Variants in ULK2 observed in about 807,000 individuals in gnomAD.
ULK2 encodes unc-51 like autophagy activating kinase 2.
ULK2 carries 76 observed loss-of-function variants against 127.5 expected under a neutral mutation model. The observed-to-expected ratio is 0.60, with a 90% CI of 0.50 to 0.72. ULK2 has a LOEUF of 0.72. Among genes scored for constraint, ULK2 ranks in the 30% least tolerant of loss-of-function variants. The pLI is 0.00. For synonymous variants in ULK2, 452 were observed against 461.9 expected (o/e 0.98, Z 0.28); for missense variants, 1,144 against 1,295.9 (o/e 0.88, Z 1.80).
Position 19,777,684 on chromosome 17 carries a change from C to A in ULK2, c.2949G>T (p.Gln983His). ...AGCGATAAACAATATCTTCGGTCTGCTGAAACATCTCATCCAGGGCTGCAG... is the reference window on the plus strand; with the variant it reads ...AGCGATAAACAATATCTTCGGTCTGATGAAACATCTCATCCAGGGCTGCAG... ...VQSAALDEMF[Q>H]QTEDIVYRYH... Residue 983 changes from glutamine (Q) to histidine (H), a missense_variant, in exon 26 of 27, where the codon CAG (glutamine) becomes CAT (histidine). By Grantham distance (24) the Gln-to-His change is conservative. Around this residue, in one of 2 missense-constraint regions of ULK2, gnomAD observed 913 missense variants for 970.5 expected, o/e 0.94. Coordinates refer to ENST00000395544, the MANE Select transcript of ULK2 (RefSeq NM_014683.4). The A allele has an allele frequency of 6.2e-7, 1 of 1,613,916 alleles. No individual in the cohort carries two copies. The highest frequency in any genetic ancestry group is 8.5e-7 in the Non-Finnish European group (1 of 1,179,962).
chr17:19,865,877 A>G, intron 1 of ULK2, 49 bp from the exon 2 acceptor site: 1 of 1,173,882 alleles, frequency 8.5e-7, no homozygotes, highest in Non-Finnish European at 1.2e-6. Context: ...CACATAAATA[A>G]CAGAAAAAAA....
chr17:19,830,439 C>G (rs76610081), intron 10 of ULK2, among the ~76,000 whole-genome samples: 8,225 of 152,086 alleles, frequency 0.054, 649 homozygotes, highest in African/African-American at 0.16. Flanking sequence ...TGGCCTCATG[C>G]AGTCTTCCTT....
chr17:19,804,146 G>A (rs1450542648), intron 15 of ULK2, among the ~76,000 whole-genome samples: 1 of 151,966 alleles, frequency 6.6e-6, no homozygotes, highest in African/African-American at 2.4e-5. Flanking sequence ...ACTTTGAGAG[G>A]CTGAGACGGG....
intron 3 of ULK2, among the ~76,000 whole-genome samples, chr17:19,860,210 T>A (rs2042212906): frequency 6.6e-6 from 1 of 152,170 alleles, no homozygotes; most frequent in Non-Finnish European, 1.5e-5. Flanking sequence ...TAATTTACCA[T>A]TCACACAGTA....
chr17:19,804,981 A>G (rs1164274325), intron 14 of ULK2, 151 bp from the exon 15 acceptor site: 1 of 875,810 alleles, frequency 1.1e-6, no homozygotes, highest in African/African-American at 1.7e-5. Context: ...TAAAAAATAT[A>G]TAAAGCCAAA....
intron 20 of ULK2, among the ~76,000 whole-genome samples, chr17:19,792,095 T>C (rs1035784082): frequency 2.0e-5 from 3 of 151,958 alleles, no homozygotes; most frequent in African/African-American, 7.2e-5. Context: ...AGAGGGAAAT[T>C]TATAGCTAAA....
In ULK2 at chr17:19,801,788, G is replaced by A; in HGVS notation, c.1430C>T (p.Pro477Leu). ...LSTGSSRPYS[P>L]SPLVGTIPEQ... is the part of the protein sequence containing the mutation. Reference sequence around the variant, plus strand: ...TAAACTCTACTTACCCAAAGGGGAAGGTGAGTAAGGCCTAGAAGACCCAGT... The same window carrying A: ...TAAACTCTACTTACCCAAAGGGGAAAGTGAGTAAGGCCTAGAAGACCCAGT... Residue 477 changes from proline (P) to leucine (L), a missense_variant, in exon 16 of 27, where the codon CCT becomes CTT. Pro to Leu is a moderately conservative substitution (Grantham distance 98). Coordinates refer to ENST00000395544, the MANE Select transcript of ULK2 (RefSeq NM_014683.4). The A allele has an allele frequency of 1.2e-6, 2 of 1,613,798 alleles. No homozygotes were observed. Among genetic ancestry groups the A allele is most frequent in the South Asian group, 2.2e-5 (2 of 91,038 alleles).
intron 9 of ULK2, 135 bp from the exon 10 acceptor site, chr17:19,838,718 T>C (rs2041658977): frequency 1.4e-6 from 1 of 701,126 alleles, no homozygotes; most frequent in Non-Finnish European, 2.3e-6. Flanking sequence ...ACGAAGACCA[T>C]GTAAGAGTCA....
intron 16 of ULK2, among the ~76,000 whole-genome samples, chr17:19,799,818 C>T (rs570150698): frequency 6.6e-6 from 1 of 152,250 alleles, no homozygotes; most frequent in East Asian, 1.9e-4. Context: ...AGAAAAACCA[C>T]ATAAACAAAT....
intron 6 of ULK2, among the ~76,000 whole-genome samples, chr17:19,845,850 T>C (rs2041867709): frequency 6.6e-6 from 1 of 152,088 alleles, no homozygotes; most frequent in Non-Finnish European, 1.5e-5. Context: ...GGCCCACACC[T>C]ATAATCCCAG....
At chr17:19,823,757 G>A (rs540175221) in intron 12 of ULK2, among the ~76,000 whole-genome samples, 1 of 152,182 alleles carries the variant, frequency 6.6e-6, no homozygotes, top group African/African-American at 2.4e-5. Context: ...ATTGGTGCCA[G>A]CGTGTCTGGC....
At chr17:19,789,427 C>A (rs1400244139) in intron 20 of ULK2, among the ~76,000 whole-genome samples, 1 of 152,168 alleles carries the variant, frequency 6.6e-6, no homozygotes, top group South Asian at 2.1e-4. Context: ...CCAAGAAGGA[C>A]GGGTACAGAT....
intron 7 of ULK2, among the ~76,000 whole-genome samples, chr17:19,844,659 TTTTAG>T (rs1247791799): frequency 2.0e-5 from 3 of 152,076 alleles, no homozygotes; most frequent in African/African-American, 7.2e-5. Flanking sequence ...TCAAAGTTGA[TTTTAG>T]TTTAGAGAAA....
At chr17:19,825,644 A>T (rs988273432) in intron 11 of ULK2, among the ~76,000 whole-genome samples, 1 of 151,832 alleles carries the variant, frequency 6.6e-6, no homozygotes, top group East Asian at 1.9e-4. Context: ...CAGGAAGCAG[A>T]GGTTGTACCA....
chr17:19,811,644 G>C (rs1483831540), intron 13 of ULK2, among the ~76,000 whole-genome samples: 4 of 151,996 alleles, frequency 2.6e-5, no homozygotes, highest in Non-Finnish European at 5.9e-5. Context: ...GTTTCCCCAT[G>C]TTGGCCAGGC....
Position 19,773,148 on chromosome 17 carries a change from A to T in ULK2, c.*3201T>A, listed in dbSNP as rs1242611402. On this transcript the variant is annotated 3_prime_UTR_variant, in exon 27 of 27. Transcript: ENST00000395544. ...GAAAAATAGCTGAGCGTGGTGGCGCATGTCTGTAATCCTAGCTACCTGGGA... is the reference window on the plus strand; with the variant it reads ...GAAAAATAGCTGAGCGTGGTGGCGCTTGTCTGTAATCCTAGCTACCTGGGA... 2.0e-5 allele frequency: 3 copies of T among 152,040 alleles called. No homozygotes were observed. Among genetic ancestry groups the T allele is most frequent in the Non-Finnish European group, 4.4e-5 (3 of 68,056 alleles). The allele number at this position is 152,040 out of a possible 1,614,324, so 9.4% of individuals were successfully genotyped here. A position where few individuals can be genotyped will look rare whatever the true frequency, so the allele number is the denominator to read the frequency against.
In ULK2 at chr17:19,780,860, T is replaced by C; in HGVS notation, c.2758+126A>G. ...GCAAAAAGCTAACAACCCAGCATCT[T>C]TTCCCTTTAAGAATACTGAAAAATA... On this transcript the variant is annotated intron_variant, in intron 24 of 26. Transcript: ENST00000395544. 3 of 1,051,044 alleles carry C rather than the reference T, an allele frequency of 2.9e-6. No homozygotes were observed. In the South Asian group the frequency reaches 4.8e-5, roughly 17 times the overall value. 65.1% of individuals were successfully genotyped at this position (1,051,044 alleles called of 1,614,324 possible). A position where few individuals can be genotyped will look rare whatever the true frequency, so the allele number is the denominator to read the frequency against.
At chr17:19,812,547 T>A (rs1307369375) in intron 13 of ULK2, among the ~76,000 whole-genome samples, 1 of 152,238 alleles carries the variant, frequency 6.6e-6, no homozygotes, top group Non-Finnish European at 1.5e-5. Flanking sequence ...GCCTATTTTA[T>A]GAAGTGTTGA....
chr17:19,846,974 A>G (rs1030446187), intron 5 of ULK2, 64 bp from the exon 6 acceptor site: 1 of 1,474,260 alleles, frequency 6.8e-7, no homozygotes, highest in African/African-American at 1.4e-5. Flanking sequence ...TGCATATTCC[A>G]TCAACAGGAT....
Sources: gnomAD v4.1 joint callset for allele counts (sites outside exome capture counted in the v4.1 genomes callset) on GRCh38, gnomAD v4.1.1 for gene constraint, gnomAD v4.1.1 regional missense constraint, MANE v1.5 for transcripts, NCBI Gene and HGNC (gene_info 2026-07-23, HGNC 2026-07-21) for gene names.